Variants in CD200 observed in about 807,000 individuals in gnomAD.
The protein encoded by CD200 is OX-2 membrane glycoprotein.
CD200 carries 15 observed loss-of-function variants against 30.9 expected under a neutral mutation model. That is an observed-to-expected ratio of 0.49 (90% CI 0.32 to 0.75). CD200 has a LOEUF of 0.75. CD200 is among the 30% of genes least tolerant of loss of function. CD200 has a pLI of 0.03. For missense variants in CD200, 262 were observed against 324.2 expected, an observed-to-expected ratio of 0.81 and a Z score of 1.47; for synonymous variants, 134 against 126.2, an observed-to-expected ratio of 1.06 and a Z score of -0.41.
Position 112,345,151 on chromosome 3 carries a change from A to G in CD200, c.284A>G (p.Asn95Ser). 1 of 1,614,076 alleles carries G rather than the reference A, an allele frequency of 6.2e-7. No individual in the cohort carries two copies. The change falls in exon 3 of 6, where the codon AAC becomes AGC. Residue 95 changes from asparagine to serine, a missense_variant. Transcript: ENST00000315711. ...VIQPAYKDKI[N>S]ITQLGLQNST... Reference sequence around the variant, plus strand: ...CAGCCTGCCTATAAGGACAAGATAAACATTACCCAGCTGGGACTCCAAAAC... The same window carrying G: ...CAGCCTGCCTATAAGGACAAGATAAGCATTACCCAGCTGGGACTCCAAAAC...
intron 5 of CD200, among the ~76,000 whole-genome samples, chr3:112,359,195 C>T (rs1559793839): frequency 6.6e-6 from 1 of 152,040 alleles, no homozygotes; most frequent in South Asian, 2.1e-4. Context: ...AGACCAGATG[C>T]AGAATCAAGT....
chr3:112,338,347 A>G (rs1409140774), intron 1 of CD200, among the ~76,000 whole-genome samples: 4 of 152,238 alleles, frequency 2.6e-5, no homozygotes, highest in East Asian at 1.9e-4. Flanking sequence ...TAAAATGACG[A>G]TTAATTTGAT....
intron 5 of CD200, 157 bp downstream of exon 5, chr3:112,349,976 G>C (rs76231123): frequency 1.0e-6 from 1 of 984,868 alleles, no homozygotes; most frequent in Non-Finnish European, 1.2e-6. Flanking sequence ...TTTAAAATGC[G>C]TCGGGGCATT....
At chr3:112,341,129 G>C in intron 2 of CD200, 146 bp downstream of exon 2, 1 of 481,994 alleles carries the variant, frequency 2.1e-6, no homozygotes. Flanking sequence ...GAGTGGACGT[G>C]GTTCTTTTCT....
intron 1 of CD200, chr3:112,336,132 G>C (rs2081110655): frequency 1.4e-5 from 10 of 739,166 alleles, no homozygotes; most frequent in Admixed American, 1.3e-4. Context: ...ATTTGGAATT[G>C]GTTTGGTACT....
chr3:112,349,876 C>A, intron 5 of CD200, 57 bp downstream of exon 5: 2 of 1,528,546 alleles, frequency 1.3e-6, no homozygotes, highest in Non-Finnish European at 1.8e-6. Flanking sequence ...TTTTTAATGA[C>A]AATTTGTGAG....
intron 5 of CD200, among the ~76,000 whole-genome samples, chr3:112,361,077 C>T (rs1265167483): frequency 6.6e-6 from 1 of 152,056 alleles, no homozygotes; most frequent in Non-Finnish European, 1.5e-5. Context: ...GCTATATTGC[C>T]TGGGGCTGGA....
intron 5 of CD200, among the ~76,000 whole-genome samples, chr3:112,357,979 A>G (rs1269973688): frequency 6.6e-6 from 1 of 152,210 alleles, no homozygotes; most frequent in Admixed American, 6.5e-5. Context: ...CAATGATTTC[A>G]GTTCAAGGGT....
chr3:112,357,115 G>A (rs2081637992), intron 5 of CD200, among the ~76,000 whole-genome samples: 1 of 152,036 alleles, frequency 6.6e-6, no homozygotes, highest in Non-Finnish European at 1.5e-5. Flanking sequence ...TAAAAAATTA[G>A]CCGGGCGTGA....
In CD200 at chr3:112,361,613, G is replaced by A; in HGVS notation, c.*63G>A. 1.3e-6 allele frequency: 2 copies of A among 1,483,518 alleles called. No homozygotes were observed. Among genetic ancestry groups the A allele is most frequent in the South Asian group, 1.1e-5 (1 of 88,306 alleles). 91.9% of individuals were successfully genotyped at this position (1,483,518 alleles called of 1,614,324 possible). On this transcript the variant is annotated 3_prime_UTR_variant, in exon 6 of 6. Coordinates refer to ENST00000315711, the MANE Select transcript of CD200 (RefSeq NM_005944.7). Reference sequence around the variant, plus strand: ...TACTTGAATTTGACACAAGAGAAAAGCAGGAGGAAAAGGGGCCATTCTCCA... The same window carrying A: ...TACTTGAATTTGACACAAGAGAAAAACAGGAGGAAAAGGGGCCATTCTCCA...
intron 1 of CD200, chr3:112,334,096 C>T (rs2081059546): frequency 1.4e-5 from 14 of 985,160 alleles, no homozygotes; most frequent in Admixed American, 6.1e-5. Context: ...GAGCTACGGT[C>T]TACTGCAAGC....
intron 2 of CD200, 91 bp from the exon 3 acceptor site, chr3:112,344,871 T>C: frequency 4.1e-6 from 4 of 982,452 alleles, no homozygotes; most frequent in Non-Finnish European, 4.6e-6. Flanking sequence ...TTTTCTATAT[T>C]TGACATTGAA....
chr3:112,360,326 T>TAAAAATAAA (rs1553721422), intron 5 of CD200, among the ~76,000 whole-genome samples: 29 of 119,180 alleles, frequency 2.4e-4, no homozygotes, highest in East Asian at 8.3e-4. Context: ...AGACTTCATC[T>TAAAAATAAA]AAAAAAAATA....
intron 2 of CD200, among the ~76,000 whole-genome samples, chr3:112,343,194 C>T (rs57661530): frequency 6.6e-6 from 1 of 151,424 alleles, no homozygotes; most frequent in Non-Finnish European, 1.5e-5. Context: ...TATACACACA[C>T]AGAGAGAGAG....
At chr3:112,348,359 T>C (rs188525038) in intron 4 of CD200, among the ~76,000 whole-genome samples, 1 of 152,340 alleles carries the variant, frequency 6.6e-6, no homozygotes, top group East Asian at 1.9e-4. Flanking sequence ...CTGTATAATC[T>C]ACACTGTGAG....
At chr3:112,334,013 G>A (rs1232513271) in intron 1 of CD200, 1 of 985,260 alleles carries the variant, frequency 1.0e-6, no homozygotes, top group African/African-American at 1.7e-5. Context: ...ATTTTTTCAT[G>A]TATGGTTTGT....
rs2081427649 is a variant in CD200 at position 112,347,554 on chromosome 3, C to T, written c.422-4C>T. The T allele has an allele frequency of 1.9e-6, 3 of 1,613,260 alleles. No homozygotes were observed. The highest frequency in any genetic ancestry group is 2.5e-6 in the Non-Finnish European group (3 of 1,179,404). On this transcript the variant is annotated splice_region_variant and splice_polypyrimidine_tract_variant and intron_variant, in intron 3 of 5. Transcript: ENST00000315711. ...TAACAGATCATATTTATTTTTTGTC[C>T]CAGTACAGCCCATAGTATCCCTTCA...
chr3:112,336,450 G>C (rs1318791540), intron 1 of CD200, among the ~76,000 whole-genome samples: 3 of 152,030 alleles, frequency 2.0e-5, no homozygotes, highest in African/African-American at 7.2e-5. Flanking sequence ...GGAGTGATAA[G>C]GAAAATGAAT....
At chr3:112,347,862 G>T in intron 4 of CD200, 32 bp downstream of exon 4, 1 of 1,596,938 alleles carries the variant, frequency 6.3e-7, no homozygotes, top group Non-Finnish European at 8.5e-7. Flanking sequence ...GGCTGTGGTT[G>T]TGTCTGTGTG....
Sources: allele counts gnomAD v4.1 joint callset (sites outside exome capture counted in the v4.1 genomes callset), GRCh38; gene constraint gnomAD v4.1.1; transcripts MANE v1.5; gene names NCBI Gene and HGNC (gene_info 2026-07-23, HGNC 2026-07-21).